MAML1: variants seen among roughly 807,000 people sequenced by gnomAD.
MAML1 encodes the protein mastermind like transcriptional coactivator 1.
In MAML1, 14 loss-of-function variants were observed where a neutral mutation model predicts 77.1. That is an observed-to-expected ratio of 0.18 (90% CI 0.12 to 0.28). The LOEUF (loss-of-function observed/expected upper bound fraction) is 0.28. Among genes scored for constraint, MAML1 ranks in the 10% least tolerant of loss-of-function variants. MAML1 has a pLI of 1.00. For synonymous variants in MAML1, 516 were observed against 551.9 expected, an observed-to-expected ratio of 0.93 and a Z score of 0.91; for missense variants, 1,217 against 1,327.8, an observed-to-expected ratio of 0.92 and a Z score of 1.30.
At chr5:179,770,317 G>A (rs1385636448) in intron 3 of MAML1, among the ~76,000 whole-genome samples, 5 of 152,078 alleles carry the variant, frequency 3.3e-5, no homozygotes, top group South Asian at 2.1e-4. Context: ...GTGTGGTGAC[G>A]GGCGCCTGTA....
chr5:179,772,538 T>A (rs1756025813), intron 4 of MAML1, among the ~76,000 whole-genome samples: 1 of 152,188 alleles, frequency 6.6e-6, no homozygotes, highest in South Asian at 2.1e-4. Flanking sequence ...TGTTGTCATA[T>A]GTCCATTGCT....
rs1309154164 is a variant in MAML1, at chr5:179,771,467, T to A, written c.2068+224T>A. The stretch of plus-strand genomic sequence containing the variant: ...ACTAGAACTACCTTTGCTGGGTCCC[T>A]GGCTGTACAGTTTTCTGAAGCAAAA... On this transcript the variant is annotated intron_variant, in intron 4 of 4. Coordinates refer to ENST00000292599, the MANE Select transcript of MAML1 (RefSeq NM_014757.5). The surrounding 1 kb of genome is among the most constrained non-coding windows in gnomAD (Gnocchi z 4.7). Among the ~76,000 whole-genome samples, 1 of 152,258 alleles carries A rather than the reference T, an allele frequency of 6.6e-6. No homozygotes were observed. The highest frequency in any genetic ancestry group is 1.5e-5 in the Non-Finnish European group (1 of 68,040).
At chr5:179,735,682 C>T (rs905970200) in intron 1 of MAML1, among the ~76,000 whole-genome samples, 1 of 149,080 alleles carries the variant, frequency 6.7e-6, no homozygotes, top group African/African-American at 2.5e-5. Flanking sequence ...TGAGCCACTG[C>T]ACCTAGCCTA....
At chr5:179,737,690 T>G (rs1487247915) in intron 1 of MAML1, among the ~76,000 whole-genome samples, 1 of 152,248 alleles carries the variant, frequency 6.6e-6, no homozygotes, top group African/African-American at 2.4e-5. Flanking sequence ...TCTTAGGATA[T>G]CCCACCACAG....
In MAML1 at chr5:179,776,683, G is replaced by C. The variant is rs1225083053; in HGVS notation, c.*1806G>C. ...GGTTGTGGATCCTTGTTCCTCTCCT[G>C]ACCCCATCTGGCTGCTGCCCCGTCT... On this transcript the variant is annotated 3_prime_UTR_variant, in exon 5 of 5. Transcript: ENST00000292599. The C allele has an allele frequency of 9.1e-6, 9 of 985,844 alleles. No homozygotes were observed. The highest frequency in any genetic ancestry group is 1.1e-5 in the Non-Finnish European group (9 of 830,002). 61.1% of individuals were successfully genotyped at this position (985,844 alleles called of 1,614,324 possible). A position where few individuals can be genotyped will look rare whatever the true frequency, so the allele number is the denominator to read the frequency against.
At chr5:179,745,997 C>T (rs1779372828) in intron 1 of MAML1, among the ~76,000 whole-genome samples, 1 of 145,724 alleles carries the variant, frequency 6.9e-6, no homozygotes, top group South Asian at 2.2e-4. Flanking sequence ...TAGCGCCATT[C>T]CATTCCAGCC....
At position 179,733,333 on chromosome 5, in the gene MAML1, A is replaced by C; in HGVS notation, c.221A>C (p.His74Pro). 1 of 1,346,468 alleles carries C rather than the reference A, an allele frequency of 7.4e-7. No homozygotes were observed. Among genetic ancestry groups the C allele is most frequent in the Non-Finnish European group, 9.6e-7 (1 of 1,041,880 alleles). 83.4% of individuals were successfully genotyped at this position (1,346,468 alleles called of 1,614,324 possible). A position where few individuals can be genotyped will look rare whatever the true frequency, so the allele number is the denominator to read the frequency against. ...GCCAAGGCCAAGCGCGCCGGGAAGC[A>C]CAGGCAGCCGCCCGCCGCCACGGCC... Reference protein sequence around the residue: ...IQAKAKRAGKHRQPPAATAPA... With the variant: ...IQAKAKRAGKPRQPPAATAPA... The change falls in exon 1 of 5, where the codon CAC (histidine) becomes CCC (proline). Residue 74 changes from histidine to proline, a missense_variant. His to Pro is a moderately conservative substitution (Grantham distance 77). This residue lies in a region of MAML1 where 312 missense variants were observed against 331.4 expected (regional missense o/e 0.94). Transcript: ENST00000292599.
At chr5:179,738,028 CT>C in intron 1 of MAML1, among the ~76,000 whole-genome samples, 1 of 152,254 alleles carries the variant, frequency 6.6e-6, no homozygotes, top group African/African-American at 2.4e-5. Context: ...GATTTTCTTA[CT>C]TAGTTTTAGG....
At chr5:179,741,921 CAG>C (rs1213730655) in intron 1 of MAML1, among the ~76,000 whole-genome samples, 2 of 151,844 alleles carry the variant, frequency 1.3e-5, no homozygotes, top group African/African-American at 2.4e-5. Flanking sequence ...TTTTTTGAGA[CAG>C]AGTCTCCGTC....
In MAML1 at chr5:179,765,974, G is replaced by T. The variant is rs746966618; in HGVS notation, c.964G>T (p.Ala322Ser). ...CTCTCCACAAGTGAGGGCCGGGTCT[G>T]CAGGGCAGACCTTTCTGGGGCCTTC... ...LGSPQVRAGSAGQTFLGPSSA... is the reference protein window; with the variant it reads ...LGSPQVRAGSSGQTFLGPSSA... The change falls in exon 2 of 5, where the codon GCA becomes TCA. Residue 322 changes from alanine (A) to serine (S), a missense_variant. Ala to Ser is a moderately conservative substitution (Grantham distance 99). This residue lies in a region of MAML1 where 884 missense variants were observed against 949.3 expected (regional missense o/e 0.93). Transcript: ENST00000292599. 1.9e-6 allele frequency: 3 copies of T among 1,613,024 alleles called. No individual in the cohort carries two copies. In the East Asian group the frequency reaches 6.7e-5, roughly 36 times the overall value.
chr5:179,743,056 T>C (rs1423047104), intron 1 of MAML1, among the ~76,000 whole-genome samples: 1 of 148,036 alleles, frequency 6.8e-6, no homozygotes, highest in East Asian at 2.0e-4. Flanking sequence ...CTTTTTTTTT[T>C]TTTTTTTTTT....
At chr5:179,745,729 G>A (rs1007971098) in intron 1 of MAML1, among the ~76,000 whole-genome samples, 4 of 151,502 alleles carry the variant, frequency 2.6e-5, no homozygotes, top group Admixed American at 6.6e-5. Context: ...GCGTGGTGGC[G>A]GGCGTCTGTA....
chr5:179,763,943 G>A (rs1264497961), intron 1 of MAML1, among the ~76,000 whole-genome samples: 6 of 152,110 alleles, frequency 3.9e-5, no homozygotes, highest in Non-Finnish European at 7.3e-5. Flanking sequence ...ACGTAATAAA[G>A]TAAACACAGG....
intron 1 of MAML1, among the ~76,000 whole-genome samples, chr5:179,743,668 G>A (rs1409986934): frequency 3.3e-5 from 5 of 151,646 alleles, no homozygotes; most frequent in African/African-American, 1.2e-4. Flanking sequence ...CCCGGCCCTC[G>A]CTCACACATT....
intron 1 of MAML1, among the ~76,000 whole-genome samples, chr5:179,736,817 C>G (rs1779179362): frequency 6.6e-6 from 1 of 151,888 alleles, no homozygotes; most frequent in South Asian, 2.1e-4. Flanking sequence ...CAAAAATTAG[C>G]TGGGCATGTG....
chr5:179,761,585 C>T (rs935539314), intron 1 of MAML1, among the ~76,000 whole-genome samples: 3 of 152,008 alleles, frequency 2.0e-5, no homozygotes, highest in Non-Finnish European at 4.4e-5. Context: ...ATCCCCGCTG[C>T]TCGAGAGACT....
intron 1 of MAML1, among the ~76,000 whole-genome samples, chr5:179,760,732 T>C (rs1275122521): frequency 6.6e-6 from 1 of 152,052 alleles, no homozygotes; most frequent in East Asian, 1.9e-4. Flanking sequence ...CAAAGGATAC[T>C]AGAAACAACC....
chr5:179,738,474 T>A (rs1779217073), intron 1 of MAML1, among the ~76,000 whole-genome samples: 1 of 152,200 alleles, frequency 6.6e-6, no homozygotes, highest in Admixed American at 6.5e-5. Flanking sequence ...GGCTTTAGGA[T>A]CTCATTTCTT....
chr5:179,738,459 A>G (rs1729060839), intron 1 of MAML1, among the ~76,000 whole-genome samples: 1 of 152,206 alleles, frequency 6.6e-6, no homozygotes, highest in Admixed American at 6.5e-5. Context: ...AAAGATGATC[A>G]GTGTGGCTTT....
Sources: allele counts gnomAD v4.1 joint callset (sites outside exome capture counted in the v4.1 genomes callset), GRCh38; gene constraint gnomAD v4.1.1; regional missense constraint gnomAD v4.1.1; non-coding constraint Gnocchi (gnomAD v3.1); transcripts MANE v1.5; gene names NCBI Gene and HGNC (gene_info 2026-07-23, HGNC 2026-07-21).